The following CFAP58 variants were observed in gnomAD, a reference collection of about 807,000 sequenced individuals.
CFAP58 encodes cilia- and flagella-associated protein 58.
Under a neutral mutation model 119.5 loss-of-function variants are expected in CFAP58, and 88 were observed. The observed-to-expected ratio is 0.74, with a 90% CI of 0.62 to 0.88. CFAP58 has a LOEUF of 0.88. Ranked by LOEUF, CFAP58 falls within the 40% of genes least tolerant of loss-of-function variation. CFAP58 has a pLI of 0.00. For missense variants in CFAP58, 990 were observed against 1,021.2 expected (o/e 0.97, Z 0.42); for synonymous variants, 365 against 366.3 (o/e 1.00, Z 0.04).
chr10:104,353,975 T>C (rs1368686021), intron 1 of CFAP58, 69 bp downstream of exon 1: 25 of 1,570,426 alleles, frequency 1.6e-5, no homozygotes, highest in South Asian at 1.5e-4. Context: ...CTACTGACGA[T>C]TGTCACAAAC....
At chr10:104,374,453 GAAAAAAAAAAAAAAAAA>G (rs71022730) in intron 7 of CFAP58, among the ~76,000 whole-genome samples, 4 of 30,718 alleles carry the variant, frequency 1.3e-4, no homozygotes, top group African/African-American at 4.6e-4. Flanking sequence ...CTTGTTTCAG[GAAAAAAAAAAAAAAAAA>G]AAAAAAAAAA....
chr10:104,401,407 G>A (rs1380052337), intron 13 of CFAP58, among the ~76,000 whole-genome samples: 1 of 152,184 alleles, frequency 6.6e-6, no homozygotes, highest in Non-Finnish European at 1.5e-5. Flanking sequence ...GCCAAATTTT[G>A]TATCTCACTT....
intron 12 of CFAP58, among the ~76,000 whole-genome samples, chr10:104,400,178 T>A (rs1291206763): frequency 6.6e-6 from 1 of 152,138 alleles, no homozygotes; most frequent in African/African-American, 2.4e-5. Context: ...ACAGAGTCTC[T>A]CTCTGTCACC....
chr10:104,415,763 T>C (rs2012541857), intron 15 of CFAP58, among the ~76,000 whole-genome samples: 1 of 152,204 alleles, frequency 6.6e-6, no homozygotes, highest in Non-Finnish European at 1.5e-5. Flanking sequence ...ATTGCCAATC[T>C]GACTTTAGAA....
At chr10:104,448,832 C>T (rs1474721257) in intron 16 of CFAP58, among the ~76,000 whole-genome samples, 1 of 152,208 alleles carries the variant, frequency 6.6e-6, no homozygotes, top group Non-Finnish European at 1.5e-5. Context: ...TTCCTTTAAA[C>T]AATTGAATAT....
chr10:104,348,605 C>A, the CFAP58 span, among the ~76,000 whole-genome samples: 1 of 152,188 alleles, frequency 6.6e-6, no homozygotes, highest in Non-Finnish European at 1.5e-5. Flanking sequence ...TCACCCATGC[C>A]CTCTTGTCAA....
At chr10:104,429,871 A>ATTT (rs35432269) in intron 15 of CFAP58, among the ~76,000 whole-genome samples, 148 of 146,674 alleles carry the variant, frequency 1.0e-3, no homozygotes, top group African/African-American at 3.5e-3. Flanking sequence ...ATATAAACTC[A>ATTT]TTTTTTTTTT....
chr10:104,411,502 C>G (rs929931287), intron 15 of CFAP58, among the ~76,000 whole-genome samples: 1 of 151,906 alleles, frequency 6.6e-6, no homozygotes, highest in Admixed American at 6.6e-5. Context: ...GTGGATTTTT[C>G]TTTTTGTGTT....
At chr10:104,357,792 CATATATATACACACATATATATGT>C (rs2014563961) in intron 1 of CFAP58, among the ~76,000 whole-genome samples, 1 of 145,820 alleles carries the variant, frequency 6.9e-6, no homozygotes, top group African/African-American at 2.7e-5. Flanking sequence ...TGTTTATATA[CATATATATACACACATATATATGT>C]ACATATATAC....
chr10:104,410,655 A>T (rs1417475200), intron 15 of CFAP58, among the ~76,000 whole-genome samples: 2 of 151,798 alleles, frequency 1.3e-5, no homozygotes, highest in Non-Finnish European at 2.9e-5. Context: ...TGATAGTTAG[A>T]TCTTCTCTTT....
At chr10:104,366,878 TA>T (rs1295622856) in intron 5 of CFAP58, among the ~76,000 whole-genome samples, 1 of 152,038 alleles carries the variant, frequency 6.6e-6, no homozygotes, top group Non-Finnish European at 1.5e-5. Flanking sequence ...TTTTTATTTT[TA>T]TTTTTTTTGA....
At chr10:104,441,651 T>C (rs2013038804) in intron 15 of CFAP58, among the ~76,000 whole-genome samples, 2 of 152,240 alleles carry the variant, frequency 1.3e-5, no homozygotes, top group African/African-American at 4.8e-5. Context: ...ATTTTTCCTA[T>C]TGTTACAAAA....
upstream of CFAP58, chr10:104,353,803 A>G: frequency 6.8e-7 from 1 of 1,476,726 alleles, no homozygotes; most frequent in Non-Finnish European, 9.3e-7. Context: ...GGCGATAGAG[A>G]CAGCGCGTCG....
chr10:104,447,991 C>G (rs2013137735), intron 16 of CFAP58, among the ~76,000 whole-genome samples, 174 bp downstream of exon 16: 1 of 152,204 alleles, frequency 6.6e-6, no homozygotes, highest in African/African-American at 2.4e-5. Context: ...CAGAGCTATC[C>G]TTCTCTTCCT....
the CFAP58 span, among the ~76,000 whole-genome samples, chr10:104,344,226 A>G: frequency 6.6e-6 from 1 of 152,356 alleles, no homozygotes; most frequent in Admixed American, 6.5e-5. Flanking sequence ...GTTAATGTCT[A>G]AAGATGGTAC....
intron 11 of CFAP58, among the ~76,000 whole-genome samples, chr10:104,395,215 G>A (rs904818789): frequency 1.3e-5 from 2 of 152,160 alleles, no homozygotes; most frequent in African/African-American, 2.4e-5. Context: ...GCCATCAGGT[G>A]TCTACATAAA....
At chr10:104,441,421 C>G (rs1219030004) in intron 15 of CFAP58, among the ~76,000 whole-genome samples, 2 of 152,326 alleles carry the variant, frequency 1.3e-5, no homozygotes, top group South Asian at 4.1e-4. Context: ...TAAGAAAAGT[C>G]AACACTATCA....
chr10:104,406,030 A>G (rs1325356917), intron 14 of CFAP58, among the ~76,000 whole-genome samples: 1 of 152,172 alleles, frequency 6.6e-6, no homozygotes, highest in African/African-American at 2.4e-5. Flanking sequence ...CCCAGAGTTC[A>G]AGGCTGCAGT....
At position 104,454,479 on chromosome 10, in the gene CFAP58, T is replaced by C. The variant is rs1193830404; in HGVS notation, c.2568T>C (p.Pro856=). ...NTFLMVKPNG[P]GFTGGGFPLR... The stretch of plus-strand genomic sequence containing the variant: ...TCTTAATGGTCAAACCAAATGGTCC[T>C]GGTTTTACTGGGGGCGGATTTCCTC... The change falls in exon 18 of 18, where the codon CCT becomes CCC. Residue 856 remains proline (P), a synonymous_variant. Transcript: ENST00000369704. The C allele has an allele frequency of 6.2e-7, 1 of 1,613,854 alleles. No homozygotes were observed. Among genetic ancestry groups the C allele is most frequent in the Admixed American group, 1.7e-5 (1 of 59,986 alleles).
Sources: allele counts gnomAD v4.1 joint callset (sites outside exome capture counted in the v4.1 genomes callset), GRCh38; gene constraint gnomAD v4.1.1; transcripts MANE v1.5; gene names NCBI Gene and HGNC (gene_info 2026-07-23, HGNC 2026-07-21).